Variants in RNF144A observed in about 807,000 individuals in gnomAD.
RNF144A encodes ring finger protein 144A.
A neutral mutation model predicts 38.7 loss-of-function variants in RNF144A; 11 were observed. The observed-to-expected ratio is 0.28, with a 90% CI of 0.18 to 0.47. The LOEUF is 0.47. Ranked by LOEUF, RNF144A falls within the 20% of genes least tolerant of loss-of-function variation. The pLI is 0.99. For missense variants in RNF144A, 316 were observed against 377.2 expected (o/e 0.84, Z 1.34); for synonymous variants, 149 against 143.9 (o/e 1.04, Z -0.25).
intron 6 of RNF144A, among the ~76,000 whole-genome samples, chr2:7,022,124 G>A (rs779163286): frequency 2.7e-4 from 41 of 152,186 alleles, no homozygotes; most frequent in Non-Finnish European, 5.4e-4. Flanking sequence ...GCGCCTCCTG[G>A]GCCAAAGCCC....
chr2:7,075,325 C>A, the RNF144A span, among the ~76,000 whole-genome samples: 1 of 148,462 alleles, frequency 6.7e-6, no homozygotes, highest in East Asian at 2.3e-4. Flanking sequence ...CCAGTTTGAG[C>A]TTCCTCCCAG....
At chr2:6,926,988 A>G (rs919801080) in intron 1 of RNF144A, among the ~76,000 whole-genome samples, 6 of 152,134 alleles carry the variant, frequency 3.9e-5, no homozygotes, top group African/African-American at 1.4e-4. Context: ...TGGAGTCCAC[A>G]TGGCAGGGAT....
In RNF144A at chr2:7,051,926, A is replaced by G. The variant is rs546267014; in HGVS notation, c.735-16290A>G. 3.9e-5 allele frequency among the ~76,000 whole-genome samples: 6 copies of G among 152,312 alleles called. 1 individual carries two copies. The South Asian group carries it at 1.2e-3, about 32-fold the overall frequency. On this transcript the variant is annotated intron_variant, in intron 6 of 6. Coordinates refer to the RNF144A transcript ENST00000432850. ...GAGCTTAGTGCTGACTTCCAAGAGT[A>G]TCAATGAATCCCCCAGTATTCAGAA...
At chr2:7,045,811 G>A (rs1259571205), downstream of RNF144A, among the ~76,000 whole-genome samples, 5 of 152,146 alleles carry the variant, frequency 3.3e-5, no homozygotes, top group East Asian at 5.8e-4. Context: ...CTCCGTTGCC[G>A]GTGGTGCTGC....
chr2:6,938,029 G>A (rs1665704428), intron 1 of RNF144A, among the ~76,000 whole-genome samples: 1 of 152,202 alleles, frequency 6.6e-6, no homozygotes, highest in African/African-American at 2.4e-5. Flanking sequence ...GAGGCAGAGG[G>A]GGAGAGAGAA....
intron 2 of RNF144A, among the ~76,000 whole-genome samples, chr2:6,969,839 G>A (rs1314927662): frequency 6.6e-6 from 1 of 152,136 alleles, no homozygotes; most frequent in Non-Finnish European, 1.5e-5. Context: ...TCGGCTCACT[G>A]CAAACTCTGC....
At chr2:7,012,744 T>C (rs193221927) in intron 3 of RNF144A, among the ~76,000 whole-genome samples, 43 of 152,346 alleles carry the variant, frequency 2.8e-4, no homozygotes, top group Non-Finnish European at 5.6e-4. Context: ...AGTCTTTGCA[T>C]TGGTTTTAAT....
At chr2:7,035,345 T>A (rs1238571648) in intron 8 of RNF144A, among the ~76,000 whole-genome samples, 1 of 152,210 alleles carries the variant, frequency 6.6e-6, no homozygotes, top group Non-Finnish European at 1.5e-5. Flanking sequence ...ACCAGTGTAG[T>A]ACCTTGTAAC....
chr2:7,059,747 C>A (rs1338178001), intron 6 of RNF144A, among the ~76,000 whole-genome samples: 8 of 152,180 alleles, frequency 5.3e-5, no homozygotes, highest in African/African-American at 1.9e-4. Context: ...ACTGAGAACC[C>A]AGCACTTTCC....
chr2:7,031,172 T>C (rs1672276396), intron 8 of RNF144A, among the ~76,000 whole-genome samples: 1 of 152,018 alleles, frequency 6.6e-6, no homozygotes, highest in Non-Finnish European at 1.5e-5. Flanking sequence ...GGCCCAGGTG[T>C]TGGGGACCCT....
Position 6,927,450 on chromosome 2 carries a change from T to G in RNF144A, c.-212+9828T>G, listed in dbSNP as rs1045495612. 8.9e-4 allele frequency among the ~76,000 whole-genome samples: 136 copies of G among 152,388 alleles called. 1 individual carries two copies. The highest frequency in any genetic ancestry group is 3.2e-3 in the African/African-American group (135 of 41,592). ...TTCCTCGGGAGGACCAGCTTGACTG[T>G]GCCAGCCTAGGCGACTGATCAGGGC... On this transcript the variant is annotated intron_variant, in intron 1 of 8. Coordinates refer to ENST00000320892, the MANE Select transcript of RNF144A (RefSeq NM_014746.6).
At chr2:7,045,820 G>C (rs1673286106), downstream of RNF144A, among the ~76,000 whole-genome samples, 1 of 152,122 alleles carries the variant, frequency 6.6e-6, no homozygotes. Flanking sequence ...CGGTGGTGCT[G>C]CCTCAGGTGC....
At chr2:7,025,636 C>A (rs1671836542) in intron 7 of RNF144A, among the ~76,000 whole-genome samples, 1 of 152,146 alleles carries the variant, frequency 6.6e-6, no homozygotes, top group South Asian at 2.1e-4. Context: ...GGCACCACTG[C>A]ACTCCAGCCT....
chr2:7,002,947 A>G (rs1670206169), intron 3 of RNF144A, among the ~76,000 whole-genome samples: 1 of 152,144 alleles, frequency 6.6e-6, no homozygotes, highest in South Asian at 2.1e-4. Flanking sequence ...GACCCTGTGT[A>G]GGTCTAGGCT....
At chr2:7,022,847 C>A (rs1378899678) in intron 6 of RNF144A, among the ~76,000 whole-genome samples, 3 of 152,180 alleles carry the variant, frequency 2.0e-5, no homozygotes, top group South Asian at 2.1e-4. Flanking sequence ...CTTGCAACAA[C>A]CTTAGTTCAT....
intron 2 of RNF144A, among the ~76,000 whole-genome samples, chr2:6,984,448 T>C (rs1668828837): frequency 6.6e-6 from 1 of 151,984 alleles, no homozygotes; most frequent in Admixed American, 6.6e-5. Context: ...GATTACAGGC[T>C]CCCGCCACCA....
chr2:7,011,300 A>G (rs1558429957), intron 3 of RNF144A, among the ~76,000 whole-genome samples: 1 of 152,194 alleles, frequency 6.6e-6, no homozygotes, highest in Non-Finnish European at 1.5e-5. Flanking sequence ...ACTTACTAAC[A>G]ATCCCTGATA....
chr2:7,035,778 G>C (rs970731248), intron 8 of RNF144A, among the ~76,000 whole-genome samples: 3 of 152,138 alleles, frequency 2.0e-5, no homozygotes, highest in Non-Finnish European at 4.4e-5. Context: ...GAGATTGCAG[G>C]CTGCTTTCAT....
rs572121111 is a variant in RNF144A, at chr2:7,039,913, C to T, written c.*153C>T. 1.3e-5 allele frequency: 19 copies of T among 1,437,256 alleles called. No individual in the cohort carries two copies. Among genetic ancestry groups the T allele is most frequent in the Middle Eastern group, 2.6e-4 (1 of 3,868 alleles). 89.0% of individuals were successfully genotyped at this position (1,437,256 alleles called of 1,614,324 possible). On this transcript the variant is annotated 3_prime_UTR_variant, in exon 9 of 9. Transcript: ENST00000320892. ...GGCTGGACGCCGTGATTTCAGGGAC[C>T]TATGTCACAATGTTCGCTGAGGCCC...
Sources: gnomAD v4.1 joint callset for allele counts (sites outside exome capture counted in the v4.1 genomes callset) on GRCh38, gnomAD v4.1.1 for gene constraint, MANE v1.5 for transcripts, NCBI Gene and HGNC (gene_info 2026-07-23, HGNC 2026-07-21) for gene names.